KIAA1217: variants seen among roughly 807,000 people sequenced by gnomAD.
The protein encoded by KIAA1217 is KIAA1217, also known as sickle tail protein homolog.
Under a neutral mutation model 163.9 loss-of-function variants are expected in KIAA1217, and 88 were observed. The observed-to-expected ratio is 0.54, with a 90% confidence interval of 0.45 to 0.64. KIAA1217 has a LOEUF of 0.64. KIAA1217 is among the 30% of genes least tolerant of loss of function. KIAA1217 has a pLI of 0.00. For synonymous variants in KIAA1217, 903 were observed against 923.1 expected, an observed-to-expected ratio of 0.98 and a Z score of 0.39; for missense variants, 2,372 against 2,475.0, an observed-to-expected ratio of 0.96 and a Z score of 0.88.
At chr10:24,149,286 T>C (rs888871112) in intron 2 of KIAA1217, among the ~76,000 whole-genome samples, 24 of 152,124 alleles carry the variant, frequency 1.6e-4, no homozygotes, top group Non-Finnish European at 3.2e-4. Context: ...TTTAAGCAAT[T>C]CTCCTGCCTC....
At chr10:23,814,554 T>A (rs1194021726) in intron 1 of KIAA1217, among the ~76,000 whole-genome samples, 1 of 152,178 alleles carries the variant, frequency 6.6e-6, no homozygotes, top group Non-Finnish European at 1.5e-5. Flanking sequence ...ACATAAGTAT[T>A]AAATGAACAA....
At chr10:23,720,203 A>ATTTTAGAAAT (rs1837797717) in intron 1 of KIAA1217, among the ~76,000 whole-genome samples, 1 of 152,064 alleles carries the variant, frequency 6.6e-6, no homozygotes, top group Non-Finnish European at 1.5e-5. Flanking sequence ...TCAATAAATT[A>ATTTTAGAAAT]TTTTAGAAAT....
Position 24,537,530 on chromosome 10 carries a change from T to C in KIAA1217, c.3534+637T>C, listed in dbSNP as rs113486608. On this transcript the variant is annotated intron_variant, in intron 17 of 20. Transcript: ENST00000376454. ...AGGTGGAGGTTGCAGTGAGCCGAGA[T>C]TGCGCCACTGCACTCCAGCCTGGGC... is the stretch of plus-strand genomic sequence containing the variant. 2.7e-3 allele frequency among the ~76,000 whole-genome samples: 404 copies of C among 151,586 alleles called. 2 individuals are homozygous for C. The highest frequency in any genetic ancestry group is 9.5e-3 in the African/African-American group (392 of 41,270).
chr10:24,489,426 G>A (rs1191632285), intron 6 of KIAA1217, among the ~76,000 whole-genome samples: 1 of 152,010 alleles, frequency 6.6e-6, no homozygotes, highest in Admixed American at 6.6e-5. Flanking sequence ...TAGGGGAATC[G>A]CCAGCTTCAT....
intron 2 of KIAA1217, among the ~76,000 whole-genome samples, chr10:24,307,705 G>C (rs571253377): frequency 8.5e-4 from 130 of 152,152 alleles, no homozygotes; most frequent in Middle Eastern, 3.4e-3. Context: ...TTGCTTGAGC[G>C]TAAGAGGTCG....
At position 23,983,494 on chromosome 10, in the gene KIAA1217, A is replaced by G. The variant is rs557896402; in HGVS notation, c.-320-23731A>G. The stretch of plus-strand genomic sequence containing the variant: ...CTTACATGGCTGGAGCAGAAGGAAG[A>G]GAGAGAGAGAAGGTGCTACACACTT... On this transcript the variant is annotated intron_variant, in intron 1 of 18. Transcript: ENST00000376462. 1.3e-3 allele frequency among the ~76,000 whole-genome samples: 200 copies of G among 152,002 alleles called. 1 individual carries two copies. Among genetic ancestry groups the G allele is most frequent in the African/African-American group, 4.7e-3 (195 of 41,526 alleles).
intron 1 of KIAA1217, among the ~76,000 whole-genome samples, chr10:23,730,389 C>T (rs1333568033): frequency 3.9e-5 from 6 of 152,084 alleles, no homozygotes; most frequent in Non-Finnish European, 5.9e-5. Context: ...TACTGTTTGG[C>T]GAATACCGTA....
chr10:24,153,491 C>A (rs1227085862), intron 2 of KIAA1217, among the ~76,000 whole-genome samples: 1 of 152,156 alleles, frequency 6.6e-6, no homozygotes, highest in Admixed American at 6.5e-5. Flanking sequence ...TAAGAAGGTA[C>A]CTTGTGTAAC....
At chr10:24,224,564 C>T (rs868657949) in intron 2 of KIAA1217, among the ~76,000 whole-genome samples, 5 of 151,996 alleles carry the variant, frequency 3.3e-5, no homozygotes, top group East Asian at 1.9e-4. Flanking sequence ...AAGTGATCTG[C>T]GTGCCTCAGC....
intron 3 of KIAA1217, among the ~76,000 whole-genome samples, chr10:24,388,357 T>G (rs923907622): frequency 6.6e-6 from 1 of 152,224 alleles, no homozygotes; most frequent in African/African-American, 2.4e-5. Context: ...GCTAGCCATA[T>G]GTGGAAAGCT....
chr10:23,878,527 A>G (rs1840809597), intron 1 of KIAA1217, among the ~76,000 whole-genome samples: 2 of 151,932 alleles, frequency 1.3e-5, no homozygotes, highest in South Asian at 4.1e-4. Context: ...ATTTTGAGAG[A>G]GAAGCAGAAT....
intron 12 of KIAA1217, among the ~76,000 whole-genome samples, chr10:24,523,697 G>A (rs552658556): frequency 2.0e-5 from 3 of 152,212 alleles, no homozygotes; most frequent in East Asian, 3.9e-4. Context: ...TTAAAGAGGC[G>A]AAGTTCTCAA....
At chr10:24,186,321 GT>G (rs770172491) in intron 2 of KIAA1217, among the ~76,000 whole-genome samples, 18 of 152,122 alleles carry the variant, frequency 1.2e-4, no homozygotes, top group Non-Finnish European at 2.2e-4. Context: ...TGACAGTGTT[GT>G]GAGTAAAATT....
At chr10:24,521,277 C>T (rs752812440) in intron 11 of KIAA1217, among the ~76,000 whole-genome samples, 1 of 151,628 alleles carries the variant, frequency 6.6e-6, no homozygotes, top group East Asian at 1.9e-4. Flanking sequence ...TTACAGTAAG[C>T]CAAGATCATG....
intron 2 of KIAA1217, among the ~76,000 whole-genome samples, chr10:24,164,399 C>T (rs138968839): frequency 1.5e-4 from 23 of 152,292 alleles, no homozygotes; most frequent in African/African-American, 5.1e-4. Flanking sequence ...CTTGGTAGCC[C>T]TATCTAAAAT....
chr10:23,837,991 G>A (rs1838573109), intron 1 of KIAA1217, among the ~76,000 whole-genome samples: 1 of 152,102 alleles, frequency 6.6e-6, no homozygotes, highest in Admixed American at 6.6e-5. Flanking sequence ...AACTCTGCCA[G>A]CAGCCCTAAC....
At chr10:23,774,433 A>G (rs987696441) in intron 1 of KIAA1217, among the ~76,000 whole-genome samples, 5 of 152,138 alleles carry the variant, frequency 3.3e-5, no homozygotes, top group African/African-American at 1.2e-4. Context: ...AGGCCTGTGG[A>G]GCCAAAGAGA....
At chr10:23,988,833 C>T (rs1281504116) in intron 1 of KIAA1217, among the ~76,000 whole-genome samples, 4 of 152,098 alleles carry the variant, frequency 2.6e-5, no homozygotes, top group African/African-American at 9.7e-5. Flanking sequence ...ATGACATTGA[C>T]TTTTAAGAAA....
intron 1 of KIAA1217, among the ~76,000 whole-genome samples, chr10:23,824,945 TA>T (rs1424004587): frequency 6.6e-6 from 1 of 152,126 alleles, no homozygotes; most frequent in African/African-American, 2.4e-5. Flanking sequence ...CCTTCCTTAA[TA>T]TGGCTCCATT....
Sources: allele counts gnomAD v4.1 joint callset (sites outside exome capture counted in the v4.1 genomes callset), GRCh38; gene constraint gnomAD v4.1.1; transcripts MANE v1.5; gene names NCBI Gene and HGNC (gene_info 2026-07-23, HGNC 2026-07-21).